The following SERGEF variants were observed in gnomAD, a reference collection of about 807,000 sequenced individuals.
SERGEF encodes the protein secretion-regulating guanine nucleotide exchange factor.
SERGEF carries 51 observed loss-of-function variants against 50.0 expected under a neutral mutation model. That is an observed-to-expected ratio of 1.02 (90% confidence interval 0.81 to 1.29). The LOEUF (loss-of-function observed/expected upper bound fraction) is 1.29. Ranked by LOEUF, SERGEF falls within the 50% of genes most tolerant of loss-of-function variation. The pLI is 0.00. For missense variants in SERGEF, 521 were observed against 557.0 expected (o/e 0.94, Z 0.65); for synonymous variants, 205 against 212.4 (o/e 0.97, Z 0.30).
chr11:17,965,191 T>C (rs1404571506), intron 8 of SERGEF, among the ~76,000 whole-genome samples: 1 of 152,202 alleles, frequency 6.6e-6, no homozygotes, highest in African/African-American at 2.4e-5. Context: ...CTCATGATAG[T>C]GAGTTCTCAT....
At chr11:18,005,591 C>A (rs7929260) in intron 3 of SERGEF, among the ~76,000 whole-genome samples, 1 of 152,100 alleles carries the variant, frequency 6.6e-6, no homozygotes, top group Non-Finnish European at 1.5e-5. Context: ...CAGAAGATGC[C>A]CTTGCCAAAG....
chr11:17,915,301 T>C (rs1285097826), intron 9 of SERGEF, among the ~76,000 whole-genome samples: 1 of 152,208 alleles, frequency 6.6e-6, no homozygotes, highest in Non-Finnish European at 1.5e-5. Context: ...ACAAGTTATT[T>C]TGATGGCATA....
At chr11:17,892,121 C>A (rs1851542644) in intron 9 of SERGEF, among the ~76,000 whole-genome samples, 1 of 152,068 alleles carries the variant, frequency 6.6e-6, no homozygotes, top group Non-Finnish European at 1.5e-5. Context: ...AGGAAGCATG[C>A]CTAGAAGATA....
intron 9 of SERGEF, among the ~76,000 whole-genome samples, chr11:17,944,804 T>C (rs948927159): frequency 5.9e-5 from 9 of 152,222 alleles, no homozygotes; most frequent in African/African-American, 1.9e-4. Context: ...TACAGCCTCA[T>C]AACATTTCAT....
chr11:17,830,601 G>GGAGAGAGA (rs71962769), intron 10 of SERGEF, among the ~76,000 whole-genome samples: 1 of 90,924 alleles, frequency 1.1e-5, no homozygotes, highest in African/African-American at 4.5e-5. Flanking sequence ...GGAGAGAGGT[G>GGAGAGAGA]GAGAGAGAGA....
intron 6 of SERGEF, among the ~76,000 whole-genome samples, chr11:17,995,514 T>C (rs1472019050): frequency 1.3e-5 from 2 of 152,232 alleles, no homozygotes; most frequent in Non-Finnish European, 1.5e-5. Flanking sequence ...CCTCTAATCA[T>C]GTCTTCCAAC....
chr11:17,820,104 A>G (rs1199404028), intron 10 of SERGEF, among the ~76,000 whole-genome samples: 1 of 151,846 alleles, frequency 6.6e-6, no homozygotes, highest in Non-Finnish European at 1.5e-5. Flanking sequence ...TCAGCCTCCC[A>G]AAGTGCTGGG....
intron 10 of SERGEF, among the ~76,000 whole-genome samples, chr11:17,877,341 C>G (rs879851527): frequency 6.6e-6 from 1 of 152,152 alleles, no homozygotes; most frequent in African/African-American, 2.4e-5. Context: ...GAAACTAAAG[C>G]CTAGCGGAGG....
At chr11:17,890,878 T>C (rs1451064560) in intron 9 of SERGEF, among the ~76,000 whole-genome samples, 1 of 152,110 alleles carries the variant, frequency 6.6e-6, no homozygotes, top group African/African-American at 2.4e-5. Context: ...GCATGTCAAA[T>C]GACACAGAAG....
chr11:17,958,211 A>T (rs1852916115), intron 9 of SERGEF, among the ~76,000 whole-genome samples: 1 of 152,216 alleles, frequency 6.6e-6, no homozygotes, highest in South Asian at 2.1e-4. Flanking sequence ...GGAGGAGGCC[A>T]GGCAGGGCCC....
intron 10 of SERGEF, among the ~76,000 whole-genome samples, chr11:17,857,751 T>C (rs1007369696): frequency 6.6e-6 from 1 of 152,190 alleles, no homozygotes; most frequent in Non-Finnish European, 1.5e-5. Flanking sequence ...CTGCCTCACA[T>C]TCTCAGGGCC....
intron 10 of SERGEF, among the ~76,000 whole-genome samples, chr11:17,827,490 G>T (rs1208742124): frequency 2.0e-5 from 3 of 152,218 alleles, no homozygotes; most frequent in Non-Finnish European, 4.4e-5. Flanking sequence ...CGGTGAGAAG[G>T]CTCTGAAATC....
At chr11:17,933,887 G>A (rs1379158739) in intron 9 of SERGEF, among the ~76,000 whole-genome samples, 1 of 152,068 alleles carries the variant, frequency 6.6e-6, no homozygotes, top group Admixed American at 6.6e-5. Flanking sequence ...AGTTACCATA[G>A]CAACAGAGAG....
chr11:17,876,804 A>G (rs935491016), intron 10 of SERGEF, among the ~76,000 whole-genome samples: 3 of 152,264 alleles, frequency 2.0e-5, no homozygotes, highest in Non-Finnish European at 4.4e-5. Context: ...TGATAGCAGT[A>G]GCAGCAATGT....
At chr11:17,948,639 C>T (rs988589568) in intron 9 of SERGEF, among the ~76,000 whole-genome samples, 2 of 152,202 alleles carry the variant, frequency 1.3e-5, no homozygotes, top group African/African-American at 4.8e-5. Flanking sequence ...TTTTGTTCAG[C>T]AGCCATGAGC....
At chr11:17,926,470 A>C (rs1852252238) in intron 9 of SERGEF, among the ~76,000 whole-genome samples, 1 of 152,188 alleles carries the variant, frequency 6.6e-6, no homozygotes, top group Non-Finnish European at 1.5e-5. Flanking sequence ...CTCCACGTCC[A>C]CACCAGGTGA....
chr11:17,849,942 T>C (rs1483920240), intron 10 of SERGEF, among the ~76,000 whole-genome samples: 2 of 152,230 alleles, frequency 1.3e-5, no homozygotes, highest in African/African-American at 4.8e-5. Flanking sequence ...GATCTTCTCC[T>C]GGTCTTTTTT....
Position 17,899,559 on chromosome 11 carries a change from C to A in SERGEF, c.1012-21315G>T, listed in dbSNP as rs536641611. Among the ~76,000 whole-genome samples the A allele has an allele frequency of 5.9e-5, 9 of 152,306 alleles. No individual in the cohort carries two copies. The South Asian group carries it at 1.0e-3, about 18-fold the overall frequency. On this transcript the variant is annotated intron_variant, in intron 9 of 10. Coordinates refer to ENST00000265965, the MANE Select transcript of SERGEF (RefSeq NM_012139.4). Reference sequence around the variant, plus strand: ...ACCATACCTCTTCTGTGAAATACAGCATCTCTAGCAGCAACAACAGGAATA... The same window carrying A: ...ACCATACCTCTTCTGTGAAATACAGAATCTCTAGCAGCAACAACAGGAATA...
intron 10 of SERGEF, among the ~76,000 whole-genome samples, chr11:17,824,238 T>A (rs1001423563): frequency 4.6e-5 from 7 of 151,650 alleles, no homozygotes; most frequent in African/African-American, 7.3e-5. Context: ...GAGGCGGAGC[T>A]TGCAGTGAGC....
Sources: gnomAD v4.1 joint callset for allele counts (sites outside exome capture counted in the v4.1 genomes callset) on GRCh38, gnomAD v4.1.1 for gene constraint, MANE v1.5 for transcripts, NCBI Gene and HGNC (gene_info 2026-07-23, HGNC 2026-07-21) for gene names.